FAM169A: variants seen among roughly 807,000 people sequenced by gnomAD.
The protein encoded by FAM169A is family with sequence similarity 169 member A.
FAM169A carries 24 observed loss-of-function variants against 75.7 expected under a neutral mutation model. That is an observed-to-expected ratio of 0.32 (90% confidence interval 0.23 to 0.45). FAM169A has a LOEUF of 0.45. Among genes scored for constraint, FAM169A ranks in the 20% least tolerant of loss-of-function variants. The probability of loss-of-function intolerance (pLI) is 1.00; values close to 1 mark genes in which losing one functional copy is unlikely to be tolerated. For missense variants in FAM169A, 673 were observed against 784.0 expected (o/e 0.86, Z 1.69); for synonymous variants, 271 against 271.0 (o/e 1.00, Z 0.00).
At chr5:74,810,532 G>A (rs913357320) in intron 6 of FAM169A, among the ~76,000 whole-genome samples, 15 of 151,898 alleles carry the variant, frequency 9.9e-5, no homozygotes, top group Non-Finnish European at 1.3e-4. Flanking sequence ...GGTGGATCAC[G>A]AGGTCGGGAG....
At chr5:74,813,761 C>T in intron 6 of FAM169A, 79 bp downstream of exon 6, 1 of 1,122,396 alleles carries the variant, frequency 8.9e-7, no homozygotes, top group East Asian at 2.6e-5. Context: ...CTGATATATA[C>T]ACATTTACCG....
At chr5:74,826,805 T>C (rs1298827924) in intron 5 of FAM169A, among the ~76,000 whole-genome samples, 8 of 152,156 alleles carry the variant, frequency 5.3e-5, no homozygotes, top group Non-Finnish European at 1.0e-4. Flanking sequence ...ACTACAGACT[T>C]TATTCAAATT....
At chr5:74,799,772 C>T (rs536085836) in intron 10 of FAM169A, 22 of 1,123,590 alleles carry the variant, frequency 2.0e-5, no homozygotes, top group East Asian at 4.7e-5. Flanking sequence ...ACAACAGCGC[C>T]GTGGCTGCTG....
rs1745388888 is a variant in FAM169A at position 74,781,087 on chromosome 5, C to G, written c.*373G>C. On this transcript the variant is annotated 3_prime_UTR_variant, in exon 13 of 13. Transcript: ENST00000687041. ...CTCACCAAGTTTTACTATTAAAACC[C>G]TTAGTATAAAAGATTTCTGTGATCC... 1 of 170,000 alleles carries G rather than the reference C, an allele frequency of 5.9e-6. No homozygotes were observed. The highest frequency in any genetic ancestry group is 1.3e-5 in the Non-Finnish European group (1 of 79,462). 10.5% of individuals were successfully genotyped at this position (170,000 alleles called of 1,614,324 possible).
At chr5:74,834,641 A>C in intron 4 of FAM169A, 44 bp from the exon 5 acceptor site, 1 of 1,384,116 alleles carries the variant, frequency 7.2e-7, no homozygotes, top group South Asian at 1.8e-5. Flanking sequence ...TATAATATGC[A>C]TCAATCACAA....
rs375412011 is a variant in FAM169A at position 74,795,379 on chromosome 5, G to C, written c.1260+651C>G. 3.3e-5 allele frequency among the ~76,000 whole-genome samples: 5 copies of C among 152,164 alleles called. No homozygotes were observed. In the East Asian group the frequency reaches 7.7e-4, roughly 24 times the overall value. ...ATGAACATATGAAAGAAGAAATAGA[G>C]AATCTGTGGAAAGGAAAAGATTGAA... On this transcript the variant is annotated intron_variant, in intron 11 of 12. Coordinates refer to ENST00000687041, the MANE Select transcript of FAM169A (RefSeq NM_001376049.1).
At chr5:74,816,204 T>C (rs920560660) in intron 5 of FAM169A, among the ~76,000 whole-genome samples, 3 of 152,138 alleles carry the variant, frequency 2.0e-5, no homozygotes, top group Non-Finnish European at 4.4e-5. Flanking sequence ...ACATTATAAG[T>C]AGTGGTAGTC....
chr5:74,866,921 C>T (rs1452052418), upstream of FAM169A: 10 of 985,402 alleles, frequency 1.0e-5, no homozygotes, highest in Non-Finnish European at 1.2e-5. Context: ...AACCTACTGC[C>T]ACTTAGGTGC....
chr5:74,830,287 C>T (rs1396631523), intron 5 of FAM169A, among the ~76,000 whole-genome samples: 1 of 152,122 alleles, frequency 6.6e-6, no homozygotes, highest in Non-Finnish European at 1.5e-5. Flanking sequence ...AAGAAGTAAA[C>T]TATAACTCTT....
At chr5:74,802,517 A>C (rs1746642567) in intron 8 of FAM169A, among the ~76,000 whole-genome samples, 1 of 152,132 alleles carries the variant, frequency 6.6e-6, no homozygotes, top group Admixed American at 6.5e-5. Context: ...ACTTTTTTAC[A>C]TGCTATCGTC....
chr5:74,866,883 C>T (rs1039415470), upstream of FAM169A: 7 of 985,426 alleles, frequency 7.1e-6, no homozygotes, highest in African/African-American at 1.7e-5. Flanking sequence ...CGAGGACCGC[C>T]GGCCTCCGCC....
rs574053726 is a variant in FAM169A at position 74,811,694 on chromosome 5, A to C, written c.670+2146T>G. On this transcript the variant is annotated intron_variant, in intron 6 of 12. Coordinates refer to ENST00000687041, the MANE Select transcript of FAM169A (RefSeq NM_001376049.1). ...TCCAGAATTAAATCTTACTTCATTG[A>C]GTAGTTGTATACCTTTACACAAATG... 8.5e-5 allele frequency among the ~76,000 whole-genome samples: 13 copies of C among 152,352 alleles called. No homozygotes were observed. The South Asian group carries it at 2.7e-3, about 32-fold the overall frequency.
chr5:74,863,036 A>G (rs1022585198), intron 1 of FAM169A, among the ~76,000 whole-genome samples: 8 of 151,870 alleles, frequency 5.3e-5, no homozygotes, highest in Non-Finnish European at 1.5e-5. Context: ...AAAAAAAAAA[A>G]AAAGGCAGGG....
intron 6 of FAM169A, among the ~76,000 whole-genome samples, chr5:74,811,138 C>A (rs1164868355): frequency 1.3e-5 from 2 of 152,012 alleles, no homozygotes; most frequent in Non-Finnish European, 2.9e-5. Flanking sequence ...CATGTGCCAC[C>A]ATGCCCAGCT....
intron 11 of FAM169A, among the ~76,000 whole-genome samples, chr5:74,786,844 G>T (rs188945173): frequency 6.6e-6 from 1 of 152,174 alleles, no homozygotes; most frequent in East Asian, 1.9e-4. Flanking sequence ...TTAAAGTGAG[G>T]GCCCTGATTG....
At chr5:74,859,221 G>C (rs753621510) in intron 1 of FAM169A, among the ~76,000 whole-genome samples, 4 of 139,176 alleles carry the variant, frequency 2.9e-5, no homozygotes, top group South Asian at 2.5e-4. Flanking sequence ...CTCAAAAAAA[G>C]AAAAACCAAA....
intron 10 of FAM169A, chr5:74,799,602 TG>T (rs1746455545): frequency 6.8e-7 from 1 of 1,465,072 alleles, no homozygotes; most frequent in Non-Finnish European, 9.6e-7. Flanking sequence ...GCGGTGGCAC[TG>T]GTGGCTGGGT....
At chr5:74,832,856 C>T (rs1013124924) in intron 5 of FAM169A, among the ~76,000 whole-genome samples, 1 of 151,500 alleles carries the variant, frequency 6.6e-6, no homozygotes, top group Non-Finnish European at 1.5e-5. Context: ...TCTGGTACAA[C>T]GGGGAAAGAA....
chr5:74,820,059 G>A lies in FAM169A; in HGVS notation c.491-6040C>T, dbSNP rs189670587. 3.6e-3 allele frequency among the ~76,000 whole-genome samples: 529 copies of A among 146,646 alleles called. 6 individuals carry two copies. The highest frequency in any genetic ancestry group is 0.013 in the African/African-American group (506 of 39,568). On this transcript the variant is annotated intron_variant, in intron 5 of 12. Transcript: ENST00000687041. ...TGCCCAGGCTGGAGTGCACTGGGCCGTCTTGGCTCAATGCAACCTCCACCT... is the reference window on the plus strand; with the variant it reads ...TGCCCAGGCTGGAGTGCACTGGGCCATCTTGGCTCAATGCAACCTCCACCT...
Sources: allele counts gnomAD v4.1 joint callset (sites outside exome capture counted in the v4.1 genomes callset), GRCh38; gene constraint gnomAD v4.1.1; transcripts MANE v1.5; gene names NCBI Gene and HGNC (gene_info 2026-07-23, HGNC 2026-07-21).